The following DNAI3 variants were observed in gnomAD, a reference collection of about 807,000 sequenced individuals.
DNAI3 encodes the protein dynein axonemal intermediate chain 3.
DNAI3 carries 83 observed loss-of-function variants against 115.5 expected under a neutral mutation model. The ratio of observed to expected loss-of-function variants is 0.72; its 90% CI spans 0.60 to 0.86. The LOEUF is 0.86. DNAI3 is among the 40% of genes least tolerant of loss of function. DNAI3 has a pLI of 0.00. For synonymous variants in DNAI3, 320 were observed against 347.0 expected (o/e 0.92, Z 0.86); for missense variants, 1,004 against 1,075.8 (o/e 0.93, Z 0.93).
chr1:85,107,455 A>ATGC (rs1655522866), intron 14 of DNAI3, among the ~76,000 whole-genome samples: 2 of 152,204 alleles, frequency 1.3e-5, no homozygotes, highest in African/African-American at 4.8e-5. Flanking sequence ...GAGCCTTAAA[A>ATGC]ACATGCTAAG....
At chr1:85,103,311 A>G (rs1174395196) in intron 13 of DNAI3, among the ~76,000 whole-genome samples, 4 of 152,164 alleles carry the variant, frequency 2.6e-5, no homozygotes, top group Admixed American at 2.6e-4. Context: ...TGGACCTTCT[A>G]GGACCTGAGG....
intron 17 of DNAI3, among the ~76,000 whole-genome samples, chr1:85,120,950 C>T (rs1462527530): frequency 6.6e-6 from 1 of 152,178 alleles, no homozygotes; most frequent in Non-Finnish European, 1.5e-5. Context: ...TTCCTGGCTA[C>T]AGATCCCAAT....
chr1:85,093,770 C>A, intron 9 of DNAI3, 122 bp downstream of exon 9: 1 of 1,133,686 alleles, frequency 8.8e-7, no homozygotes. Context: ...TCTGTACTCA[C>A]TAGGTACCTG....
chr1:85,072,771 C>T lies in DNAI3; in HGVS notation c.65-283C>T, dbSNP rs187079060. Reference sequence around the variant, plus strand: ...GAGATGGAGACCATCCTGGTTGACACGGTGAAACCCCGTCTCTACTAAAAA... The same window carrying T: ...GAGATGGAGACCATCCTGGTTGACATGGTGAAACCCCGTCTCTACTAAAAA... On this transcript the variant is annotated intron_variant, in intron 2 of 22. Transcript: ENST00000294664. 2.2e-3 allele frequency among the ~76,000 whole-genome samples: 338 copies of T among 150,996 alleles called. 1 individual carries two copies. Among genetic ancestry groups the T allele is most frequent in the Non-Finnish European group, 3.3e-3 (226 of 67,758 alleles).
At chr1:85,087,002 A>C (rs1175123250) in intron 7 of DNAI3, among the ~76,000 whole-genome samples, 1 of 151,846 alleles carries the variant, frequency 6.6e-6, no homozygotes, top group Non-Finnish European at 1.5e-5. Flanking sequence ...TGGCTTCCTC[A>C]TTCCTTGATT....
chr1:85,095,858 C>G, intron 10 of DNAI3, 73 bp from the exon 11 acceptor site: 1 of 1,411,436 alleles, frequency 7.1e-7, no homozygotes, highest in Non-Finnish European at 1.0e-6. Flanking sequence ...TTTTAACTGT[C>G]TTAATATTAT....
rs575384955 is a variant in DNAI3, at chr1:85,107,099, C to T, written c.1554-934C>T. 9.9e-5 allele frequency among the ~76,000 whole-genome samples: 15 copies of T among 152,200 alleles called. No individual in the cohort carries two copies. The East Asian group carries it at 2.9e-3, about 29-fold the overall frequency. The stretch of plus-strand genomic sequence containing the variant: ...AAAGCAACAAGTGTTGGTGAACGTG[C>T]AGAGATTTGGATAAATTGTAGTGAT... On this transcript the variant is annotated intron_variant, in intron 14 of 22. Coordinates refer to ENST00000294664, the MANE Select transcript of DNAI3 (RefSeq NM_145172.5).
chr1:85,121,698 CTT>C (rs1352843369), intron 17 of DNAI3, 51 bp from the exon 18 acceptor site: 1 of 1,532,774 alleles, frequency 6.5e-7, no homozygotes, highest in Non-Finnish European at 9.0e-7. Context: ...AGTGTGAAGT[CTT>C]TTGTCTCTTA....
chr1:85,120,998 TCTC>T (rs1557725794), intron 17 of DNAI3, among the ~76,000 whole-genome samples: 1 of 152,214 alleles, frequency 6.6e-6, no homozygotes, highest in Non-Finnish European at 1.5e-5. Flanking sequence ...GTTTTTCTCT[TCTC>T]ATCCAGTGAA....
At chr1:85,123,785 A>G (rs1321365403) in intron 18 of DNAI3, among the ~76,000 whole-genome samples, 2 of 152,234 alleles carry the variant, frequency 1.3e-5, no homozygotes. Flanking sequence ...TTTACTAACC[A>G]TTGTCTACCC....
chr1:85,095,485 T>C (rs1655096481), intron 10 of DNAI3, among the ~76,000 whole-genome samples: 1 of 152,150 alleles, frequency 6.6e-6, no homozygotes, highest in African/African-American at 2.4e-5. Context: ...TCACTAGAGT[T>C]TTCTAACCTT....
intron 14 of DNAI3, 73 bp downstream of exon 14, chr1:85,104,670 G>T (rs1000064336): frequency 1.7e-6 from 2 of 1,202,784 alleles, no homozygotes; most frequent in Admixed American, 3.6e-5. Flanking sequence ...CCTAAAATCA[G>T]TGTCTTCTTC....
At chr1:85,063,899 T>C (rs1390293934) in intron 1 of DNAI3, among the ~76,000 whole-genome samples, 3 of 152,146 alleles carry the variant, frequency 2.0e-5, no homozygotes, top group African/African-American at 7.2e-5. Flanking sequence ...ATGTATTCAA[T>C]TGGTAACAAA....
At chr1:85,110,770 G>A (rs2100600377) in intron 16 of DNAI3, among the ~76,000 whole-genome samples, 1 of 152,184 alleles carries the variant, frequency 6.6e-6, no homozygotes, top group South Asian at 2.1e-4. Context: ...AAAGAATAAT[G>A]CTATAGGATG....
At chr1:85,124,287 A>G (rs1477594663) in intron 19 of DNAI3, 36 bp downstream of exon 19, 1 of 1,614,018 alleles carries the variant, frequency 6.2e-7, no homozygotes, top group Admixed American at 1.7e-5. Context: ...TGAGTGTGTG[A>G]TCTTTTGTTA....
At chr1:85,114,015 C>CTTTTTTTTTTT (rs58178754) in intron 16 of DNAI3, among the ~76,000 whole-genome samples, 4 of 117,638 alleles carry the variant, frequency 3.4e-5, no homozygotes, top group African/African-American at 9.6e-5. Flanking sequence ...CAATTTGTAT[C>CTTTTTTTTTTT]TTTTTTTTTT....
chr1:85,092,007 C>CT (rs1432491586), intron 8 of DNAI3, among the ~76,000 whole-genome samples: 1 of 152,192 alleles, frequency 6.6e-6, no homozygotes, highest in Non-Finnish European at 1.5e-5. Flanking sequence ...TTGGAAAATG[C>CT]TTACTAATGC....
At chr1:85,074,410 C>T (rs576020626) in intron 3 of DNAI3, among the ~76,000 whole-genome samples, 1 of 152,364 alleles carries the variant, frequency 6.6e-6, no homozygotes, top group Admixed American at 6.5e-5. Flanking sequence ...TCCTCCTCCT[C>T]TTCGCCAACC....
At chr1:85,124,385 A>G in intron 19 of DNAI3, 134 bp downstream of exon 19, 1 of 1,218,564 alleles carries the variant, frequency 8.2e-7, no homozygotes, top group Non-Finnish European at 1.2e-6. Flanking sequence ...TGGCAGGGAC[A>G]CCAGCTTGTC....
Sources: gnomAD v4.1 joint callset for allele counts (sites outside exome capture counted in the v4.1 genomes callset) on GRCh38, gnomAD v4.1.1 for gene constraint, MANE v1.5 for transcripts, NCBI Gene and HGNC (gene_info 2026-07-23, HGNC 2026-07-21) for gene names.